The following TSHZ3 variants were observed in gnomAD, a reference collection of about 807,000 sequenced individuals.
TSHZ3 encodes the protein teashirt homolog 3.
A neutral mutation model predicts 64.5 loss-of-function variants in TSHZ3; 10 were observed. The ratio of observed to expected loss-of-function variants is 0.16; its 90% CI spans 0.10 to 0.26. The LOEUF is 0.26. Ranked by LOEUF, TSHZ3 falls within the 10% of genes least tolerant of loss-of-function variation. The probability of loss-of-function intolerance (pLI) is 1.00; values close to 1 mark genes in which losing one functional copy is unlikely to be tolerated. For missense variants in TSHZ3, 1,242 were observed against 1,421.7 expected, an observed-to-expected ratio of 0.87 and a Z score of 2.03; for synonymous variants, 608 against 593.1, an observed-to-expected ratio of 1.03 and a Z score of -0.36.
chr19:31,200,176 A>G (rs989473026), intron 5 of TSHZ3, among the ~76,000 whole-genome samples: 3 of 152,146 alleles, frequency 2.0e-5, no homozygotes, highest in African/African-American at 7.2e-5. Context: ...TTACAAAACT[A>G]AACACACTCT....
intron 3 of TSHZ3, among the ~76,000 whole-genome samples, chr19:31,232,419 G>T (rs1975553515): frequency 6.6e-6 from 1 of 152,174 alleles, no homozygotes; most frequent in Admixed American, 6.5e-5. Context: ...TCTGAACAGG[G>T]TGGCTGTAGC....
chr19:31,303,411 G>A (rs1374759985), intron 1 of TSHZ3, among the ~76,000 whole-genome samples: 1 of 152,188 alleles, frequency 6.6e-6, no homozygotes, highest in Admixed American at 6.5e-5. Context: ...CACCGGAGAC[G>A]CACTTGGTCC....
At chr19:31,206,668 C>T (rs1007247402) in intron 4 of TSHZ3, among the ~76,000 whole-genome samples, 1 of 152,080 alleles carries the variant, frequency 6.6e-6, no homozygotes, top group Non-Finnish European at 1.5e-5. Flanking sequence ...TTTGAAATAG[C>T]CATTTGATAA....
At chr19:31,217,936 A>G (rs952199655) in intron 4 of TSHZ3, among the ~76,000 whole-genome samples, 15 of 152,206 alleles carry the variant, frequency 9.9e-5, no homozygotes, top group Non-Finnish European at 2.1e-4. Flanking sequence ...AACACAAAAC[A>G]ATAAACTCCT....
chr19:31,294,547 A>C (rs2145133909), intron 1 of TSHZ3, among the ~76,000 whole-genome samples: 1 of 152,318 alleles, frequency 6.6e-6, no homozygotes, highest in African/African-American at 2.4e-5. Flanking sequence ...GACAGTGAAA[A>C]AATCATTCTA....
At chr19:31,288,240 T>C (rs964438558) in intron 1 of TSHZ3, among the ~76,000 whole-genome samples, 1 of 152,196 alleles carries the variant, frequency 6.6e-6, no homozygotes, top group Non-Finnish European at 1.5e-5. Context: ...TCTCCAGGAC[T>C]CATGCACACC....
intron 5 of TSHZ3, among the ~76,000 whole-genome samples, chr19:31,172,155 G>A (rs984338960): frequency 2.0e-5 from 3 of 152,114 alleles, no homozygotes; most frequent in South Asian, 2.1e-4. Context: ...TTGGAAGGGC[G>A]GCCGACCAAG....
chr19:31,330,712 G>T (rs964357180), intron 1 of TSHZ3, among the ~76,000 whole-genome samples: 4 of 151,568 alleles, frequency 2.6e-5, no homozygotes, highest in African/African-American at 7.3e-5. Flanking sequence ...CCTTGGGCGG[G>T]GGGAGGAAAG....
At chr19:31,158,836 G>A (rs903732391) in intron 5 of TSHZ3, among the ~76,000 whole-genome samples, 21 of 152,020 alleles carry the variant, frequency 1.4e-4, no homozygotes, top group African/African-American at 4.8e-4. Flanking sequence ...GTTCACAATA[G>A]GGGTGGTGCT....
chr19:31,210,537 C>CCTGGAACACGTTTCACT (rs1182861565), intron 4 of TSHZ3, among the ~76,000 whole-genome samples: 1 of 152,078 alleles, frequency 6.6e-6, no homozygotes, highest in African/African-American at 2.4e-5. Flanking sequence ...CCCAGCCATG[C>CCTGGAACACGTTTCACT]CTGGAACACG....
intron 1 of TSHZ3, among the ~76,000 whole-genome samples, chr19:31,281,872 G>A (rs1395108646): frequency 6.6e-6 from 1 of 152,176 alleles, no homozygotes; most frequent in Non-Finnish European, 1.5e-5. Flanking sequence ...AAGAACAGCC[G>A]AGGTAGAATA....
chr19:31,307,358 T>C (rs558614105), intron 1 of TSHZ3, among the ~76,000 whole-genome samples: 145 of 152,072 alleles, frequency 9.5e-4, no homozygotes, highest in African/African-American at 3.3e-3. Flanking sequence ...TGGCCTACGA[T>C]GGGGCCAACT....
At chr19:31,341,476 T>G (rs1917431764) in intron 1 of TSHZ3, among the ~76,000 whole-genome samples, 1 of 152,002 alleles carries the variant, frequency 6.6e-6, no homozygotes, top group Non-Finnish European at 1.5e-5. Flanking sequence ...CATGCAACAG[T>G]GAGGCACCAT....
chr19:31,186,115 C>T (rs553122322), intron 5 of TSHZ3, among the ~76,000 whole-genome samples: 1 of 152,168 alleles, frequency 6.6e-6, no homozygotes, highest in Non-Finnish European at 1.5e-5. Context: ...CATTATGAAT[C>T]AAGTCGCGGT....
At chr19:31,301,433 T>A (rs1161601930) in intron 1 of TSHZ3, among the ~76,000 whole-genome samples, 1 of 152,184 alleles carries the variant, frequency 6.6e-6, no homozygotes, top group Non-Finnish European at 1.5e-5. Context: ...TTAGATGACA[T>A]CTGCTGGGGC....
At chr19:31,230,692 CTTT>C (rs956399700) in intron 3 of TSHZ3, among the ~76,000 whole-genome samples, 2 of 94,116 alleles carry the variant, frequency 2.1e-5, no homozygotes, top group Non-Finnish European at 2.0e-5. Context: ...CCCATCACTG[CTTT>C]TTTTTTTTTT....
At position 31,333,113 on chromosome 19, in the gene TSHZ3, T is replaced by C. The variant is rs1233503981; in HGVS notation, c.40+16067A>G. On this transcript the variant is annotated intron_variant, in intron 1 of 1. Transcript: ENST00000240587. ...AAGGGAGATCCTGTCTCACAATAAA[T>C]AAATAAATAAATAAATAAATAAATA... Among the ~76,000 whole-genome samples, 86 of 62,542 alleles carry C rather than the reference T, an allele frequency of 1.4e-3. 1 individual carries two copies. The highest frequency in any genetic ancestry group is 3.7e-3 in the African/African-American group (77 of 20,918). The allele number at this position is 62,542 out of a possible 152,430, so 41.0% of individuals were successfully genotyped here.
At chr19:31,350,650 G>A (rs1441463265), upstream of TSHZ3, among the ~76,000 whole-genome samples, 1 of 151,472 alleles carries the variant, frequency 6.6e-6, no homozygotes, top group Non-Finnish European at 1.5e-5. Flanking sequence ...GGGCCGGCCC[G>A]GCCGACTGGC....
In TSHZ3 at chr19:31,166,436, C is replaced by T. The variant is rs1028017133; in HGVS notation, n.810-10019G>A. Among the ~76,000 whole-genome samples, 7 of 152,166 alleles carry T rather than the reference C, an allele frequency of 4.6e-5. No individual in the cohort carries two copies. In the East Asian group the frequency reaches 1.4e-3, roughly 29 times the overall value. On this transcript the variant is annotated intron_variant and non_coding_transcript_variant, in intron 5 of 6. Coordinates refer to the TSHZ3 transcript ENST00000651361. The stretch of plus-strand genomic sequence containing the variant: ...GGAGAGGGAACAGGTGGCATCAGCA[C>T]TGTGCCTATCCTCTGTAGGGCATTC...
Sources: gnomAD v4.1 joint callset for allele counts (sites outside exome capture counted in the v4.1 genomes callset) on GRCh38, gnomAD v4.1.1 for gene constraint, MANE v1.5 for transcripts, NCBI Gene and HGNC (gene_info 2026-07-23, HGNC 2026-07-21) for gene names.